The following LRCOL1 variants were observed in gnomAD, a reference collection of about 807,000 sequenced individuals.
The protein encoded by LRCOL1 is leucine-rich colipase-like protein 1.
Under a neutral mutation model 21.6 loss-of-function variants are expected in LRCOL1, and 21 were observed. That is an observed-to-expected ratio of 0.97 (90% CI 0.69 to 1.40). The LOEUF (loss-of-function observed/expected upper bound fraction) is 1.40. LRCOL1 is among the 40% of genes most tolerant of loss of function. The pLI is 0.00. For synonymous variants in LRCOL1, 98 were observed against 90.1 expected (o/e 1.09, Z -0.49); for missense variants, 198 against 202.3 (o/e 0.98, Z 0.13).
intron 5 of LRCOL1, chr12:132,603,870 G>A (rs1239741065): frequency 2.2e-5 from 26 of 1,177,058 alleles, no homozygotes; most frequent in Non-Finnish European, 2.2e-5. Context: ...GCAGAGGTCG[G>A]GGGAGGGAGG....
intron 1 of LRCOL1, among the ~76,000 whole-genome samples, chr12:132,609,774 T>C (rs1196061218): frequency 6.6e-6 from 1 of 152,166 alleles, no homozygotes; most frequent in Non-Finnish European, 1.5e-5. Flanking sequence ...CAGGCAGACC[T>C]CATGAGTGCC....
chr12:132,606,076 CA>C lies in LRCOL1; in HGVS notation c.105+70del, dbSNP rs1249193130. On this transcript the variant is annotated intron_variant, in intron 2 of 5. Transcript: ENST00000376608. The surrounding 1 kb of genome is among the most constrained non-coding windows in gnomAD (Gnocchi z 4.6). Reference sequence around the variant, plus strand: ...TCGCGGGTGGGGACTGCAAGGGCCTCAGGGGCGCCCGGCACCCACCTTATGG... The same window carrying C: ...TCGCGGGTGGGGACTGCAAGGGCCTCGGGGCGCCCGGCACCCACCTTATGG... 2.9e-5 allele frequency: 42 copies of C among 1,462,086 alleles called. No individual in the cohort carries two copies. The Admixed American group carries it at 5.6e-4, about 19-fold the overall frequency. The allele number at this position is 1,462,086 out of a possible 1,614,324, so 90.6% of individuals were successfully genotyped here. A position where few individuals can be genotyped will look rare whatever the true frequency, so the allele number is the denominator to read the frequency against.
rs1261830635 is a variant in LRCOL1 at position 132,604,814 on chromosome 12, G to T, written c.123C>A (p.Cys41Ter). Reference protein sequence around the residue: ...NLSHKGIGEPCRRHEECQSNC... With the variant: ...NLSHKGIGEP ...TGCTCTGGCACTCCTCGTGTCTCCT[G>T]CATGGCTCCCCGATGCCCTGAAACA... Residue 41 changes from cysteine (C) to a stop codon, truncating the protein, a stop_gained, in exon 3 of 6, where the codon TGC (cysteine) becomes TGA (stop). Transcript: ENST00000376608. LOFTEE classifies it high-confidence loss of function. 3 of 1,536,088 alleles carry T rather than the reference G, an allele frequency of 2.0e-6. No individual in the cohort carries two copies. Among genetic ancestry groups the T allele is most frequent in the African/African-American group, 1.4e-5 (1 of 73,156 alleles).
chr12:132,603,529 C>T, intron 5 of LRCOL1, 125 bp from the exon 6 acceptor site: 2 of 1,518,636 alleles, frequency 1.3e-6, no homozygotes, highest in Non-Finnish European at 1.8e-6. Context: ...CGGGACAGCA[C>T]CCAGAGGCCG....
chr12:132,603,296 C>G lies in LRCOL1; in HGVS notation c.*106G>C. ...TTTCAGAGCCCCAGAAACAGCAGCA[C>G]AAACCGTAAGGGAAGCTTCCGCTGG... On this transcript the variant is annotated 3_prime_UTR_variant, in exon 6 of 6. Transcript: ENST00000376608. 2 of 1,489,696 alleles carry G rather than the reference C, an allele frequency of 1.3e-6. No individual in the cohort carries two copies. The highest frequency in any genetic ancestry group is 1.2e-5 in the South Asian group (1 of 82,692). 92.3% of individuals were successfully genotyped at this position (1,489,696 alleles called of 1,614,324 possible).
chr12:132,605,867 G>T (rs2041300926), intron 2 of LRCOL1: 2 of 476,766 alleles, frequency 4.2e-6, no homozygotes, highest in African/African-American at 4.0e-5. Context: ...CTGCCTGGTT[G>T]ACGGTGGCCG....
chr12:132,606,093 C>A lies in LRCOL1; in HGVS notation c.105+54G>T. ...AAGGGCCTCAGGGGCGCCCGGCACC[C>A]ACCTTATGGCGCGTGTGGGGCCTGC... is the stretch of plus-strand genomic sequence containing the variant. On this transcript the variant is annotated intron_variant, in intron 2 of 5. Transcript: ENST00000376608. The surrounding 1 kb of genome is among the most constrained non-coding windows in gnomAD (Gnocchi z 4.6). The A allele has an allele frequency of 6.6e-7, 1 of 1,516,928 alleles. No homozygotes were observed. Among genetic ancestry groups the A allele is most frequent in the Non-Finnish European group, 8.8e-7 (1 of 1,130,738 alleles). 94.0% of individuals were successfully genotyped at this position (1,516,928 alleles called of 1,614,324 possible).
chr12:132,606,684 C>T lies in LRCOL1; in HGVS notation c.-13-420G>A, dbSNP rs2041314035. On this transcript the variant is annotated intron_variant, in intron 1 of 5. Coordinates refer to ENST00000376608, the MANE Select transcript of LRCOL1 (RefSeq NM_001195520.2). This position sits in a 1 kb window ranked among gnomAD's most constrained non-coding sequence, Gnocchi z 4.6. ...ATCCGATGCCCTAAACATCCCCGTG[C>T]CCCGTCTATTCGCTCCTCCCTCCCC... Among the ~76,000 whole-genome samples the T allele has an allele frequency of 6.6e-6, 1 of 152,062 alleles. No homozygotes were observed. Among genetic ancestry groups the T allele is most frequent in the South Asian group, 2.1e-4 (1 of 4,810 alleles).
rs763834709 is a variant in LRCOL1 at position 132,606,692 on chromosome 12, A to G, written c.-13-428T>C. On this transcript the variant is annotated intron_variant, in intron 1 of 5. Transcript: ENST00000376608. This position sits in a 1 kb window ranked among gnomAD's most constrained non-coding sequence, Gnocchi z 4.6. Reference sequence around the variant, plus strand: ...CCCTAAACATCCCCGTGCCCCGTCTATTCGCTCCTCCCTCCCCAGCTGCTG... The same window carrying G: ...CCCTAAACATCCCCGTGCCCCGTCTGTTCGCTCCTCCCTCCCCAGCTGCTG... Among the ~76,000 whole-genome samples, 70 of 151,986 alleles carry G rather than the reference A, an allele frequency of 4.6e-4. No homozygotes were observed. The highest frequency in any genetic ancestry group is 9.0e-4 in the Non-Finnish European group (61 of 67,964).
intron 5 of LRCOL1, 142 bp downstream of exon 5, chr12:132,604,112 C>A: frequency 1.4e-6 from 2 of 1,433,322 alleles, no homozygotes; most frequent in Admixed American, 5.6e-5. Context: ...GGTGAAGCGC[C>A]GGCCTCTCCC....
intron 5 of LRCOL1, 24 bp downstream of exon 5, chr12:132,604,230 G>T: frequency 6.6e-7 from 1 of 1,518,188 alleles, no homozygotes; most frequent in African/African-American, 1.4e-5. Flanking sequence ...GGGCCTGGAG[G>T]CTGAGCCCCC....
chr12:132,603,425 G>A (rs2041251447), intron 5 of LRCOL1, 21 bp from the exon 6 acceptor site: 2 of 1,536,204 alleles, frequency 1.3e-6, no homozygotes, highest in Non-Finnish European at 1.7e-6. Context: ...AGCCAAAGCT[G>A]AGGAAACGTG....
At chr12:132,607,242 G>A (rs983660710) in intron 1 of LRCOL1, among the ~76,000 whole-genome samples, 3 of 152,186 alleles carry the variant, frequency 2.0e-5, no homozygotes, top group Admixed American at 6.5e-5. Flanking sequence ...AGGCGGAGAC[G>A]TCATTAGGAG....
At chr12:132,605,329 T>C (rs1468622516) in intron 2 of LRCOL1, among the ~76,000 whole-genome samples, 1 of 152,264 alleles carries the variant, frequency 6.6e-6, no homozygotes, top group Non-Finnish European at 1.5e-5. Flanking sequence ...GATGAGGCTA[T>C]GTCTATTGAC....
In LRCOL1 at chr12:132,606,197, CCAGCAGCAGCAG is replaced by C. The variant is rs112975396; in HGVS notation, c.43_54del (p.Leu15_Leu18del). ...TGTGGCCCATACCCTGCCATGGACC[CCAGCAGCAGCAG>C]CAGCAGCAGCAGTAGCAGCAGCGTC... On this transcript the variant is annotated inframe_deletion, in exon 2 of 6. Transcript: ENST00000376608. This position sits in a 1 kb window ranked among gnomAD's most constrained non-coding sequence, Gnocchi z 4.6. 9 of 1,410,290 alleles carry C rather than the reference CCAGCAGCAGCAG, an allele frequency of 6.4e-6. No homozygotes were observed. Among genetic ancestry groups the C allele is most frequent in the South Asian group, 3.9e-5 (3 of 76,336 alleles). The allele number at this position is 1,410,290 out of a possible 1,614,324, so 87.4% of individuals were successfully genotyped here. A position where few individuals can be genotyped will look rare whatever the true frequency, so the allele number is the denominator to read the frequency against.
chr12:132,603,885 A>T (rs1037443276), intron 5 of LRCOL1: 52 of 1,176,616 alleles, frequency 4.4e-5, no homozygotes, highest in Non-Finnish European at 5.3e-5. Flanking sequence ...GGGAGGGGAG[A>T]AGCCAGGACC....
rs1011320367 is a variant in LRCOL1 at position 132,603,749 on chromosome 12, C to T, written c.478-345G>A. ...CAAACACGCACTTGCGCCCCCACCGCGTTTGCGCCGCTGGCGACCTGGCCC... is the reference window on the plus strand; with the variant it reads ...CAAACACGCACTTGCGCCCCCACCGTGTTTGCGCCGCTGGCGACCTGGCCC... On this transcript the variant is annotated intron_variant, in intron 5 of 5. Coordinates refer to ENST00000376608, the MANE Select transcript of LRCOL1 (RefSeq NM_001195520.2). 8 of 985,288 alleles carry T rather than the reference C, an allele frequency of 8.1e-6. No individual in the cohort carries two copies. The East Asian group carries it at 6.8e-4, about 84-fold the overall frequency. 61.0% of individuals were successfully genotyped at this position (985,288 alleles called of 1,614,324 possible). A position where few individuals can be genotyped will look rare whatever the true frequency, so the allele number is the denominator to read the frequency against.
At position 132,603,273 on chromosome 12, in the gene LRCOL1, T is replaced by C. The variant is rs1381342613; in HGVS notation, c.*129A>G. 1 of 1,396,820 alleles carries C rather than the reference T, an allele frequency of 7.2e-7. No homozygotes were observed. Among genetic ancestry groups the C allele is most frequent in the African/African-American group, 1.4e-5 (1 of 69,542 alleles). The allele number at this position is 1,396,820 out of a possible 1,614,324, so 86.5% of individuals were successfully genotyped here. ...ACAGCCTTTCAGTTCCCACAGATTT[T>C]CAGAGCCCCAGAAACAGCAGCACAA... On this transcript the variant is annotated 3_prime_UTR_variant, in exon 6 of 6. Transcript: ENST00000376608.
At chr12:132,608,995 C>T (rs1020134765) in intron 1 of LRCOL1, among the ~76,000 whole-genome samples, 8 of 152,210 alleles carry the variant, frequency 5.3e-5, no homozygotes, top group Non-Finnish European at 1.2e-4. Context: ...TAACAGGTCA[C>T]AGGTCACACC....
Sources: gnomAD v4.1 joint callset for allele counts (sites outside exome capture counted in the v4.1 genomes callset) on GRCh38, gnomAD v4.1.1 for gene constraint, Gnocchi (gnomAD v3.1) non-coding constraint, MANE v1.5 for transcripts, NCBI Gene and HGNC (gene_info 2026-07-23, HGNC 2026-07-21) for gene names.